The following HPSE2 variants were observed in gnomAD, a reference collection of about 807,000 sequenced individuals.
HPSE2 encodes the protein heparanase 2 (inactive).
A neutral mutation model predicts 60.5 loss-of-function variants in HPSE2; 38 were observed. The ratio of observed to expected loss-of-function variants is 0.63; its 90% CI spans 0.48 to 0.82. HPSE2 has a LOEUF of 0.82. Among genes scored for constraint, HPSE2 ranks in the 40% least tolerant of loss-of-function variants. The pLI is 0.00. For synonymous variants in HPSE2, 295 were observed against 293.2 expected, an observed-to-expected ratio of 1.01 and a Z score of -0.06; for missense variants, 713 against 740.4, an observed-to-expected ratio of 0.96 and a Z score of 0.43.
intron 3 of HPSE2, among the ~76,000 whole-genome samples, chr10:99,138,404 G>C (rs1589717652): frequency 6.6e-6 from 1 of 152,064 alleles, no homozygotes; most frequent in Non-Finnish European, 1.5e-5. Context: ...TATACCCAAA[G>C]GATTATAAAT....
At chr10:98,621,994 G>A (rs1946087783) in intron 7 of HPSE2, among the ~76,000 whole-genome samples, 1 of 152,180 alleles carries the variant, frequency 6.6e-6, no homozygotes, top group Non-Finnish European at 1.5e-5. Context: ...TGGCCCCCCA[G>A]CTACTCTCCT....
At chr10:98,567,797 G>A (rs1187502075) in intron 9 of HPSE2, among the ~76,000 whole-genome samples, 1 of 152,032 alleles carries the variant, frequency 6.6e-6, no homozygotes, top group East Asian at 1.9e-4. Context: ...ACCAAATTGT[G>A]TAGCACTTGC....
At chr10:98,465,276 T>C (rs530521966) in intron 11 of HPSE2, among the ~76,000 whole-genome samples, 1 of 152,368 alleles carries the variant, frequency 6.6e-6, no homozygotes, top group Admixed American at 6.5e-5. Flanking sequence ...GGCACTATGC[T>C]ATGATTTATT....
chr10:98,676,197 A>G (rs965934), intron 6 of HPSE2, among the ~76,000 whole-genome samples: 77,781 of 152,024 alleles, frequency 0.51, 21,716 homozygotes, highest in South Asian at 0.74. Flanking sequence ...ATGAGTGGCC[A>G]GTGTTATTAA....
chr10:98,788,530 G>A (rs1305148609), intron 3 of HPSE2, among the ~76,000 whole-genome samples: 26 of 151,152 alleles, frequency 1.7e-4, no homozygotes, highest in African/African-American at 6.1e-4. Context: ...AATGGCAGGC[G>A]CCCCTCCCCC....
intron 9 of HPSE2, among the ~76,000 whole-genome samples, chr10:98,506,304 A>G (rs2133726666): frequency 6.6e-6 from 1 of 152,360 alleles, no homozygotes; most frequent in Non-Finnish European, 1.5e-5. Context: ...TTTTCAGTTT[A>G]GAGAATTAAG....
chr10:98,903,270 G>A (rs988957040), intron 3 of HPSE2, among the ~76,000 whole-genome samples: 1 of 152,074 alleles, frequency 6.6e-6, no homozygotes, highest in Non-Finnish European at 1.5e-5. Context: ...GCCTAGGGGA[G>A]TGGGGATTTG....
At chr10:98,805,291 A>T (rs1951016681) in intron 3 of HPSE2, among the ~76,000 whole-genome samples, 2 of 152,174 alleles carry the variant, frequency 1.3e-5, no homozygotes. Flanking sequence ...AAAAATTGTA[A>T]CCTTTGGCAT....
chr10:98,720,012 A>C (rs933124776), intron 5 of HPSE2, among the ~76,000 whole-genome samples: 1 of 152,104 alleles, frequency 6.6e-6, no homozygotes, highest in Non-Finnish European at 1.5e-5. Context: ...AAAAAACAAC[A>C]ATAAAAAATA....
intron 3 of HPSE2, among the ~76,000 whole-genome samples, chr10:99,004,919 C>T (rs972501074): frequency 2.6e-5 from 4 of 152,094 alleles, no homozygotes; most frequent in African/African-American, 9.7e-5. Flanking sequence ...GAATACAGTA[C>T]TCTTGGTTGG....
At chr10:99,094,347 T>C (rs1843623472) in intron 3 of HPSE2, among the ~76,000 whole-genome samples, 1 of 151,294 alleles carries the variant, frequency 6.6e-6, no homozygotes, top group Non-Finnish European at 1.5e-5. Context: ...CTCCATGGAG[T>C]ACTTAAAAAG....
intron 3 of HPSE2, among the ~76,000 whole-genome samples, chr10:98,888,214 G>A (rs1300393726): frequency 2.0e-5 from 3 of 149,166 alleles, no homozygotes; most frequent in African/African-American, 2.5e-5. Flanking sequence ...TGAAGAAAAC[G>A]GAGCAAATAG....
intron 9 of HPSE2, among the ~76,000 whole-genome samples, chr10:98,549,272 T>G (rs968318055): frequency 1.3e-5 from 2 of 152,174 alleles, no homozygotes; most frequent in Non-Finnish European, 2.9e-5. Flanking sequence ...CTTATATAGT[T>G]GTTGATAAAA....
At chr10:99,110,246 A>G (rs770790856) in intron 3 of HPSE2, among the ~76,000 whole-genome samples, 44 of 152,282 alleles carry the variant, frequency 2.9e-4, no homozygotes, top group Middle Eastern at 6.8e-3. Flanking sequence ...TGAAAAAGAG[A>G]CTGCATTAGC....
chr10:99,222,472 T>G (rs1157133042), intron 2 of HPSE2, among the ~76,000 whole-genome samples: 1 of 152,188 alleles, frequency 6.6e-6, no homozygotes, highest in East Asian at 1.9e-4. Flanking sequence ...TTCACAGGAC[T>G]TCACTAGGCT....
Position 98,940,568 on chromosome 10 carries a change from C to A in HPSE2, c.611-196512G>T, listed in dbSNP as rs571878600. 1.7e-3 allele frequency among the ~76,000 whole-genome samples: 242 copies of A among 140,174 alleles called. 12 individuals are homozygous for A. The highest frequency in any genetic ancestry group is 2.3e-3 in the Non-Finnish European group (154 of 66,404). 92.0% of individuals were successfully genotyped at this position (140,174 alleles called of 152,430 possible). ...AATCTCTGAATAGACCAATAACAGGCTCTGAAATTGTGGCAATAATCAATA... is the reference window on the plus strand; with the variant it reads ...AATCTCTGAATAGACCAATAACAGGATCTGAAATTGTGGCAATAATCAATA... On this transcript the variant is annotated intron_variant, in intron 3 of 11. Coordinates refer to ENST00000370552, the MANE Select transcript of HPSE2 (RefSeq NM_021828.5).
At chr10:99,012,048 T>C (rs988198682) in intron 3 of HPSE2, among the ~76,000 whole-genome samples, 1 of 151,930 alleles carries the variant, frequency 6.6e-6, no homozygotes, top group Non-Finnish European at 1.5e-5. Flanking sequence ...ACTTTTACTT[T>C]GAAATTCACT....
intron 3 of HPSE2, among the ~76,000 whole-genome samples, chr10:98,951,492 A>G (rs1228118027): frequency 6.6e-6 from 1 of 152,158 alleles, no homozygotes; most frequent in Non-Finnish European, 1.5e-5. Context: ...AAAATAATAC[A>G]TGAGGTATAA....
Position 98,941,826 on chromosome 10 carries a change from A to G in HPSE2, c.611-197770T>C, listed in dbSNP as rs1263166418. 4.9e-4 allele frequency among the ~76,000 whole-genome samples: 69 copies of G among 140,610 alleles called. 8 individuals carry two copies. The highest frequency in any genetic ancestry group is 1.9e-3 in the African/African-American group (64 of 33,666). The allele number at this position is 140,610 out of a possible 152,430, so 92.2% of individuals were successfully genotyped here. The stretch of plus-strand genomic sequence containing the variant: ...GAGGCATCATGCTACCTGACTTCAA[A>G]CTATACTACAAGGCTACAGTAACCA... On this transcript the variant is annotated intron_variant, in intron 3 of 11. Transcript: ENST00000370552.
Sources: gnomAD v4.1 joint callset for allele counts (sites outside exome capture counted in the v4.1 genomes callset) on GRCh38, gnomAD v4.1.1 for gene constraint, MANE v1.5 for transcripts, NCBI Gene and HGNC (gene_info 2026-07-23, HGNC 2026-07-21) for gene names.